DYM: variants seen among roughly 807,000 people sequenced by gnomAD.
DYM encodes dymeclin.
A neutral mutation model predicts 93.1 loss-of-function variants in DYM; 78 were observed. That is an observed-to-expected ratio of 0.84 (90% CI 0.70 to 1.01). DYM has a LOEUF of 1.01. Ranked by LOEUF, DYM falls within the 50% of genes least tolerant of loss-of-function variation. The probability of loss-of-function intolerance (pLI) is 0.00; values close to 1 mark genes in which losing one functional copy is unlikely to be tolerated. For synonymous variants in DYM, 321 were observed against 319.7 expected, an observed-to-expected ratio of 1.00 and a Z score of -0.04; for missense variants, 789 against 845.0, an observed-to-expected ratio of 0.93 and a Z score of 0.82.
At chr18:49,213,146 A>G (rs2146187009) in intron 13 of DYM, among the ~76,000 whole-genome samples, 1 of 152,372 alleles carries the variant, frequency 6.6e-6, no homozygotes, top group South Asian at 2.1e-4. Context: ...ATTCTGTCCT[A>G]GAACAACATT....
chr18:49,061,550 G>A (rs764676111), intron 17 of DYM, among the ~76,000 whole-genome samples: 4 of 152,222 alleles, frequency 2.6e-5, no homozygotes, highest in Admixed American at 6.5e-5. Flanking sequence ...GGACCTCAGC[G>A]TGCTCTTGGG....
At chr18:49,457,242 C>T (rs1468551747) in intron 1 of DYM, among the ~76,000 whole-genome samples, 1 of 152,186 alleles carries the variant, frequency 6.6e-6, no homozygotes, top group Non-Finnish European at 1.5e-5. Context: ...GTGCCTTTAT[C>T]TCCCACTTGG....
At chr18:49,069,206 T>C (rs1000454583) in intron 17 of DYM, among the ~76,000 whole-genome samples, 3 of 152,202 alleles carry the variant, frequency 2.0e-5, no homozygotes, top group South Asian at 2.1e-4. Flanking sequence ...ACTAAATTGT[T>C]ATACACCAAA....
rs541988090 is a variant in DYM, at chr18:49,124,998, G to A, written c.1729-6072C>T. ...TATTAGGCCAGGCACGGTGGCTCAC[G>A]CCTGTAATCCCAGCACTTTGGGAGG... On this transcript the variant is annotated intron_variant, in intron 15 of 17. Coordinates refer to ENST00000675505, the MANE Select transcript of DYM (RefSeq NM_001353214.3). Among the ~76,000 whole-genome samples the A allele has an allele frequency of 7.9e-5, 12 of 152,282 alleles. No homozygotes were observed. The South Asian group carries it at 2.1e-3, about 26-fold the overall frequency.
intron 13 of DYM, among the ~76,000 whole-genome samples, chr18:49,232,598 G>C (rs940976032): frequency 7.3e-6 from 1 of 136,858 alleles, no homozygotes; most frequent in African/African-American, 2.9e-5. Flanking sequence ...CACTGTGCCC[G>C]GCCTCTTTTT....
At chr18:49,055,354 C>G (rs2075383507) in intron 17 of DYM, among the ~76,000 whole-genome samples, 1 of 152,182 alleles carries the variant, frequency 6.6e-6, no homozygotes, top group Non-Finnish European at 1.5e-5. Context: ...GACTCGTGAT[C>G]TAAAAGCCAT....
chr18:49,292,627 CCCCA>C, intron 8 of DYM, among the ~76,000 whole-genome samples: 1 of 115,906 alleles, frequency 8.6e-6, no homozygotes, highest in Admixed American at 9.8e-5. Context: ...AAAAAAAAAC[CCCCA>C]CAAAAACCTG....
chr18:49,238,786 C>T (rs1373759162), intron 13 of DYM, among the ~76,000 whole-genome samples: 2 of 147,342 alleles, frequency 1.4e-5, no homozygotes, highest in Admixed American at 6.7e-5. Context: ...AGTAAGACTC[C>T]GTCTCAAAAA....
At chr18:49,134,224 A>G (rs949920288) in intron 15 of DYM, among the ~76,000 whole-genome samples, 3 of 152,196 alleles carry the variant, frequency 2.0e-5, no homozygotes, top group Admixed American at 2.0e-4. Flanking sequence ...TGGAGAAAAA[A>G]ACCAATTAGC....
chr18:49,092,458 T>G (rs7239949), intron 17 of DYM, among the ~76,000 whole-genome samples: 23,292 of 152,140 alleles, frequency 0.15, 2,884 homozygotes, highest in African/African-American at 0.33. Context: ...CCATTCATTT[T>G]ACACGCAGCG....
chr18:49,231,841 T>C (rs55951713), intron 13 of DYM, among the ~76,000 whole-genome samples: 3 of 152,316 alleles, frequency 2.0e-5, no homozygotes, highest in African/African-American at 7.2e-5. Flanking sequence ...ATACAAACTG[T>C]AAGTACTAAC....
intron 1 of DYM, among the ~76,000 whole-genome samples, chr18:49,432,893 C>A (rs1190388078): frequency 2.6e-5 from 4 of 152,060 alleles, no homozygotes; most frequent in Non-Finnish European, 5.9e-5. Flanking sequence ...AGCTACTGAG[C>A]CTGGCCAAGA....
intron 12 of DYM, among the ~76,000 whole-genome samples, chr18:49,257,852 G>A (rs1472156091): frequency 5.4e-5 from 8 of 149,444 alleles, no homozygotes; most frequent in South Asian, 2.1e-4. Flanking sequence ...TGGCACAATC[G>A]TAGCTCAAAA....
At position 49,163,573 on chromosome 18, in the gene DYM, C is replaced by T. The variant is rs183488321; in HGVS notation, c.1728+112G>A. 15 of 708,970 alleles carry T rather than the reference C, an allele frequency of 2.1e-5. No individual in the cohort carries two copies. The East Asian group carries it at 2.2e-4, about 10-fold the overall frequency. The allele number at this position is 708,970 out of a possible 1,614,324, so 43.9% of individuals were successfully genotyped here. A position where few individuals can be genotyped will look rare whatever the true frequency, so the allele number is the denominator to read the frequency against. ...GTTGGCCAGGCTGGTCTTGAACTCC[C>T]GACCAAGTGATCCATCTGCCTCGGC... On this transcript the variant is annotated intron_variant, in intron 15 of 17. Transcript: ENST00000675505.
Position 49,043,914 on chromosome 18 carries a change from G to A in DYM, c.*141C>T, listed in dbSNP as rs543103316. 1.0e-4 allele frequency: 101 copies of A among 996,914 alleles called. No homozygotes were observed. In the African/African-American group the frequency reaches 1.5e-3, roughly 15 times the overall value. 61.8% of individuals were successfully genotyped at this position (996,914 alleles called of 1,614,324 possible). Reference sequence around the variant, plus strand: ...TAGCACCAATTCTCCAAATCAAAGTGTGTGAGGAAAACACACTCGTGCAAT... The same window carrying A: ...TAGCACCAATTCTCCAAATCAAAGTATGTGAGGAAAACACACTCGTGCAAT... On this transcript the variant is annotated 3_prime_UTR_variant, in exon 18 of 18. Transcript: ENST00000675505.
intron 3 of DYM, among the ~76,000 whole-genome samples, chr18:49,389,767 AC>A (rs2069012987): frequency 6.6e-6 from 1 of 151,796 alleles, no homozygotes; most frequent in African/African-American, 2.4e-5. Context: ...ACCTCAAGCA[AC>A]CCTCCTGCCT....
chr18:49,107,259 G>C (rs995659121), intron 16 of DYM, among the ~76,000 whole-genome samples: 2 of 152,136 alleles, frequency 1.3e-5, no homozygotes, highest in East Asian at 3.8e-4. Context: ...AGCTCCATTA[G>C]GTCCTTTAAG....
At chr18:49,285,797 G>C (rs2095108955) in intron 9 of DYM, among the ~76,000 whole-genome samples, 1 of 152,148 alleles carries the variant, frequency 6.6e-6, no homozygotes, top group South Asian at 2.1e-4. Flanking sequence ...GATAATACTG[G>C]TTCAACATGA....
chr18:49,149,662 T>G (rs2085581569), intron 15 of DYM, among the ~76,000 whole-genome samples: 1 of 150,838 alleles, frequency 6.6e-6, no homozygotes, highest in Non-Finnish European at 1.5e-5. Flanking sequence ...AAATATTTGT[T>G]GGATGAAAGA....
Sources: allele counts gnomAD v4.1 joint callset (sites outside exome capture counted in the v4.1 genomes callset), GRCh38; gene constraint gnomAD v4.1.1; transcripts MANE v1.5; gene names NCBI Gene and HGNC (gene_info 2026-07-23, HGNC 2026-07-21).